The following EGFR variants were observed in gnomAD, a reference collection of about 807,000 sequenced individuals.
EGFR encodes the protein epidermal growth factor receptor, also known as avian erythroblastic leukemia viral (v-erb-b) oncogene homolog.
In EGFR, 58 loss-of-function variants were observed where a neutral mutation model predicts 143.0. The observed-to-expected ratio is 0.41, with a 90% CI of 0.33 to 0.50. The LOEUF (loss-of-function observed/expected upper bound fraction) is 0.50. Ranked by LOEUF, EGFR falls within the 20% of genes least tolerant of loss-of-function variation. The probability of loss-of-function intolerance (pLI) is 0.39; values close to 1 mark genes in which losing one functional copy is unlikely to be tolerated. For synonymous variants in EGFR, 613 were observed against 594.4 expected, an observed-to-expected ratio of 1.03 and a Z score of -0.45; for missense variants, 1,307 against 1,579.0, an observed-to-expected ratio of 0.83 and a Z score of 2.92.
intron 13 of EGFR, among the ~76,000 whole-genome samples, chr7:55,162,568 C>T (rs927166995): frequency 1.3e-5 from 2 of 152,206 alleles, no homozygotes; most frequent in Non-Finnish European, 1.5e-5. Context: ...TTTCAGTTTT[C>T]AAGTGTTTCT....
At chr7:55,169,193 C>T (rs1786225109) in intron 15 of EGFR, among the ~76,000 whole-genome samples, 1 of 151,980 alleles carries the variant, frequency 6.6e-6, no homozygotes, top group Non-Finnish European at 1.5e-5. Flanking sequence ...CTCCACCTCC[C>T]AGGTTCAAGC....
At chr7:55,026,548 C>A (rs1026050124) in intron 1 of EGFR, among the ~76,000 whole-genome samples, 6 of 152,180 alleles carry the variant, frequency 3.9e-5, no homozygotes, top group Non-Finnish European at 4.4e-5. Flanking sequence ...CATCTCCAAC[C>A]GGAAACATTC....
intron 1 of EGFR, among the ~76,000 whole-genome samples, chr7:55,090,174 G>T (rs141726781): frequency 1.3e-5 from 2 of 152,028 alleles, no homozygotes; most frequent in Non-Finnish European, 2.9e-5. Context: ...TCACCATGTT[G>T]GTCAGGTTGG....
chr7:55,031,992 C>T (rs1390709160), intron 1 of EGFR, among the ~76,000 whole-genome samples: 1 of 152,138 alleles, frequency 6.6e-6, no homozygotes, highest in Admixed American at 6.5e-5. Flanking sequence ...TGAGCACAGG[C>T]ATGTTGACTG....
rs180843544 is a variant in EGFR at position 55,027,792 on chromosome 7, A to G, written c.88+8427A>G. On this transcript the variant is annotated intron_variant, in intron 1 of 27. Coordinates refer to ENST00000275493, the MANE Select transcript of EGFR (RefSeq NM_005228.5). Reference sequence around the variant, plus strand: ...CACACAACTCAGAAAATGTCCCTTAAATTAATTGAGCCATTGGTACTTGTG... The same window carrying G: ...CACACAACTCAGAAAATGTCCCTTAGATTAATTGAGCCATTGGTACTTGTG... Among the ~76,000 whole-genome samples the G allele has an allele frequency of 1.3e-3, 200 of 152,080 alleles. 1 individual carries two copies. Among genetic ancestry groups the G allele is most frequent in the African/African-American group, 4.4e-3 (182 of 41,502 alleles).
chr7:55,099,190 G>A (rs1009098730), intron 1 of EGFR, among the ~76,000 whole-genome samples: 2 of 152,148 alleles, frequency 1.3e-5, no homozygotes, highest in African/African-American at 4.8e-5. Flanking sequence ...TGGAATTAAC[G>A]GATCAGGATT....
intron 1 of EGFR, among the ~76,000 whole-genome samples, chr7:55,120,079 G>C (rs1793106614): frequency 6.6e-6 from 1 of 152,190 alleles, no homozygotes; most frequent in Non-Finnish European, 1.5e-5. Flanking sequence ...TGCAAACCTG[G>C]ATGGACCCGA....
At chr7:55,056,768 G>A (rs1368551245) in intron 1 of EGFR, among the ~76,000 whole-genome samples, 1 of 152,244 alleles carries the variant, frequency 6.6e-6, no homozygotes, top group Non-Finnish European at 1.5e-5. Context: ...AAAGATCTGG[G>A]TGTTTTCATT....
At chr7:55,110,430 T>C (rs1792405650) in intron 1 of EGFR, among the ~76,000 whole-genome samples, 2 of 152,280 alleles carry the variant, frequency 1.3e-5, no homozygotes, top group South Asian at 2.1e-4. Context: ...TCCTCACACA[T>C]GGGGCAGCTC....
Position 55,155,953 on chromosome 7 carries a change from A to G in EGFR, c.1006+7A>G. The G allele has an allele frequency of 6.2e-7, 1 of 1,606,446 alleles. No individual in the cohort carries two copies. The highest frequency in any genetic ancestry group is 1.1e-5 in the South Asian group (1 of 90,670). ...GAAGGGCCTTGCCGCAAAGGTAGGA[A>G]GCCCGCCGGTGTGCGGACGAGGCTT... On this transcript the variant is annotated splice_region_variant and intron_variant, in intron 8 of 27. Coordinates refer to ENST00000275493, the MANE Select transcript of EGFR (RefSeq NM_005228.5).
intron 1 of EGFR, among the ~76,000 whole-genome samples, chr7:55,125,012 G>T (rs1478306933): frequency 2.0e-5 from 3 of 152,200 alleles, no homozygotes; most frequent in Non-Finnish European, 4.4e-5. Context: ...CGTCACCTGG[G>T]AACCTTAATA....
At chr7:55,077,492 TG>T (rs1011695711) in intron 1 of EGFR, among the ~76,000 whole-genome samples, 11 of 152,230 alleles carry the variant, frequency 7.2e-5, no homozygotes, top group African/African-American at 2.7e-4. Context: ...TTTTTTTCTC[TG>T]ACAGTGAAAA....
chr7:55,082,515 C>G (rs1227723512), intron 1 of EGFR, among the ~76,000 whole-genome samples: 1 of 152,174 alleles, frequency 6.6e-6, no homozygotes, highest in Non-Finnish European at 1.5e-5. Context: ...CAAAACCACC[C>G]AAGGGAGAAA....
chr7:55,064,644 G>C (rs916077857), intron 1 of EGFR, among the ~76,000 whole-genome samples: 3 of 152,194 alleles, frequency 2.0e-5, no homozygotes, highest in Non-Finnish European at 4.4e-5. Flanking sequence ...TTAGAAACCA[G>C]AAGCTCTTGT....
chr7:55,071,599 G>A (rs1440157612), intron 1 of EGFR, among the ~76,000 whole-genome samples: 1 of 152,220 alleles, frequency 6.6e-6, no homozygotes, highest in African/African-American at 2.4e-5. Flanking sequence ...CCCTTTCAGA[G>A]CATGGGTCTC....
At chr7:55,137,004 G>C (rs1000046500) in intron 1 of EGFR, among the ~76,000 whole-genome samples, 2 of 152,152 alleles carry the variant, frequency 1.3e-5, no homozygotes, top group Non-Finnish European at 2.9e-5. Flanking sequence ...CAAATTCATA[G>C]GCAAATAATA....
At chr7:55,096,433 G>A (rs1791472926) in intron 1 of EGFR, among the ~76,000 whole-genome samples, 1 of 152,202 alleles carries the variant, frequency 6.6e-6, no homozygotes, top group Non-Finnish European at 1.5e-5. Flanking sequence ...GAACGGCAGG[G>A]CCAGATTTGA....
rs934013780 is a variant in EGFR at position 55,207,275 on chromosome 7, C to T, written c.*1658C>T. The stretch of plus-strand genomic sequence containing the variant: ...CCCAGATCAGTCAGAGCCCCTACAG[C>T]ATTGTTAAGAAAGTATTTGATTTTT... On this transcript the variant is annotated 3_prime_UTR_variant, in exon 28 of 28. Coordinates refer to ENST00000275493, the MANE Select transcript of EGFR (RefSeq NM_005228.5). The T allele has an allele frequency of 5.6e-5, 13 of 232,616 alleles. No individual in the cohort carries two copies. The highest frequency in any genetic ancestry group is 9.3e-5 in the Non-Finnish European group (11 of 117,824). The allele number at this position is 232,616 out of a possible 1,614,324, so 14.4% of individuals were successfully genotyped here. A position where few individuals can be genotyped will look rare whatever the true frequency, so the allele number is the denominator to read the frequency against.
At chr7:55,191,683 G>T (rs1048647423) in intron 20 of EGFR, 36 bp from the exon 21 acceptor site, 1 of 1,612,736 alleles carries the variant, frequency 6.2e-7, no homozygotes, top group South Asian at 1.1e-5. Context: ...TTCCCATGAT[G>T]ATCTGTCCCT....
Sources: allele counts gnomAD v4.1 joint callset (sites outside exome capture counted in the v4.1 genomes callset), GRCh38; gene constraint gnomAD v4.1.1; transcripts MANE v1.5; gene names NCBI Gene and HGNC (gene_info 2026-07-23, HGNC 2026-07-21).